The following MACF1 variants were observed in gnomAD, a reference collection of about 807,000 sequenced individuals.
MACF1 encodes the protein microtubule actin crosslinking factor 1, also known as microtubule-actin cross-linking factor 1.
Under a neutral mutation model 854.8 loss-of-function variants are expected in MACF1, and 193 were observed. The observed-to-expected ratio is 0.23, with a 90% CI of 0.20 to 0.25. The LOEUF (loss-of-function observed/expected upper bound fraction) is 0.25, where lower values mean the gene tolerates loss of function less well. MACF1 is among the 10% of genes least tolerant of loss of function. The probability of loss-of-function intolerance (pLI) is 1.00; values close to 1 mark genes in which losing one functional copy is unlikely to be tolerated. For missense variants in MACF1, 7,722 were observed against 8,929.1 expected (o/e 0.86, Z 5.45); for synonymous variants, 3,185 against 3,226.7 (o/e 0.99, Z 0.44).
At chr1:39,396,704 C>T (rs76250672) in intron 58 of MACF1, among the ~76,000 whole-genome samples, 2,521 of 152,248 alleles carry the variant, frequency 0.017, 75 homozygotes, top group African/African-American at 0.058. Context: ...CTAGGAAGTA[C>T]GATGAGTTTC....
intron 52 of MACF1, among the ~76,000 whole-genome samples, chr1:39,377,781 A>G (rs1231230967): frequency 6.6e-6 from 1 of 152,328 alleles, no homozygotes; most frequent in Non-Finnish European, 1.5e-5. Context: ...AGGCAGGCAG[A>G]TCACCTGAGG....
chr1:39,452,587 T>G (rs1321892741), intron 86 of MACF1, 97 bp from the exon 87 acceptor site: 12 of 1,494,480 alleles, frequency 8.0e-6, no homozygotes, highest in Non-Finnish European at 1.1e-5. Flanking sequence ...GGCCATGAAA[T>G]GTCTGAATGA....
chr1:39,328,054 T>A (rs1293763540), intron 36 of MACF1, among the ~76,000 whole-genome samples: 1 of 152,194 alleles, frequency 6.6e-6, no homozygotes, highest in Non-Finnish European at 1.5e-5. Context: ...CCAACTTATG[T>A]GGGGCAGGCC....
chr1:39,377,330 C>A (rs1419143741), intron 52 of MACF1, among the ~76,000 whole-genome samples: 9 of 152,120 alleles, frequency 5.9e-5, no homozygotes, highest in African/African-American at 2.2e-4. Flanking sequence ...TGTAATATAA[C>A]CTTGCACATG....
At chr1:39,448,887 C>T in intron 84 of MACF1, 124 bp downstream of exon 84, 1 of 605,004 alleles carries the variant, frequency 1.7e-6, no homozygotes, top group Non-Finnish European at 2.7e-6. Flanking sequence ...ATCTTAACAC[C>T]ACCAGTTAGT....
intron 64 of MACF1, 144 bp from the exon 65 acceptor site, chr1:39,429,683 C>T: frequency 2.6e-6 from 2 of 768,774 alleles, no homozygotes; most frequent in South Asian, 1.9e-5. Context: ...TCCCATTTGC[C>T]CTTAGTATGG....
intron 5 of MACF1, 35 bp downstream of exon 5, chr1:39,254,410 G>A (rs1381868690): frequency 3.1e-6 from 5 of 1,595,498 alleles, no homozygotes; most frequent in Admixed American, 3.3e-5. Flanking sequence ...ATTCTTCCAG[G>A]CTGTGTTGGC....
At chr1:39,215,051 G>A (rs1008408164) in intron 1 of MACF1, among the ~76,000 whole-genome samples, 9 of 152,184 alleles carry the variant, frequency 5.9e-5, no homozygotes, top group Non-Finnish European at 1.3e-4. Flanking sequence ...TGCATATGGA[G>A]CTCTCCCCTC....
chr1:39,120,174 G>A (rs909212257), intron 2 of MACF1, among the ~76,000 whole-genome samples: 2 of 151,428 alleles, frequency 1.3e-5, no homozygotes, highest in African/African-American at 2.4e-5. Flanking sequence ...GTGAGCCACC[G>A]CACCTGGCCA....
At chr1:39,279,481 CTTA>C (rs531481385) in intron 6 of MACF1, among the ~76,000 whole-genome samples, 1 of 151,508 alleles carries the variant, frequency 6.6e-6, no homozygotes, top group Non-Finnish European at 1.5e-5. Context: ...TTGGAGATGA[CTTA>C]TTATTGACTT....
Position 39,387,184 on chromosome 1 carries a change from C to T in MACF1, c.14345-3C>T. ...TGATTTCAATTTTATTTTCTCATTT[C>T]AGCCGATCGCATTAACAGACTCCAG... On this transcript the variant is annotated splice_polypyrimidine_tract_variant and splice_region_variant and intron_variant, in intron 57 of 100. Transcript: ENST00000564288. The T allele has an allele frequency of 6.2e-7, 1 of 1,608,800 alleles. No homozygotes were observed. Among genetic ancestry groups the T allele is most frequent in the Non-Finnish European group, 8.5e-7 (1 of 1,177,528 alleles).
At chr1:39,367,263 A>T (rs771805402) in intron 49 of MACF1, among the ~76,000 whole-genome samples, 10 of 151,802 alleles carry the variant, frequency 6.6e-5, no homozygotes, top group Non-Finnish European at 1.2e-4. Flanking sequence ...ATATACTTTC[A>T]TGTGACCTAC....
At chr1:39,158,039 G>A (rs1424843484) in intron 2 of MACF1, among the ~76,000 whole-genome samples, 3 of 152,166 alleles carry the variant, frequency 2.0e-5, no homozygotes, top group Admixed American at 1.3e-4. Flanking sequence ...CAACAAAGAT[G>A]CTGTGGAAAT....
At chr1:39,212,215 A>G (rs1210915025) in intron 1 of MACF1, among the ~76,000 whole-genome samples, 2 of 152,058 alleles carry the variant, frequency 1.3e-5, no homozygotes, top group African/African-American at 4.8e-5. Flanking sequence ...AAAAGTTGGG[A>G]AAAAAAGAAG....
intron 15 of MACF1, among the ~76,000 whole-genome samples, chr1:39,289,052 T>C (rs546839659): frequency 6.6e-6 from 1 of 152,334 alleles, no homozygotes; most frequent in South Asian, 2.1e-4. Context: ...CCATCCATAT[T>C]GTTGCAAATG....
At position 39,284,395 on chromosome 1, in the gene MACF1, A is replaced by G; in HGVS notation, c.1098A>G (p.Lys366=). ...AAATTCTGGCCAAGGAGAGAGAAAA[A>G]GGAAGAATTGAGGAATTATATAAAT... ...ETEILAKERE[K]GRIEELYKLL... is the part of the protein sequence containing the mutation. Residue 366 remains lysine (K), a synonymous_variant, in exon 11 of 101, where the codon AAA becomes AAG. Transcript: ENST00000564288. 1 of 1,601,728 alleles carries G rather than the reference A, an allele frequency of 6.2e-7. No individual in the cohort carries two copies. The highest frequency in any genetic ancestry group is 8.5e-7 in the Non-Finnish European group (1 of 1,175,472).
chr1:39,271,602 A>G (rs543119981), intron 6 of MACF1, among the ~76,000 whole-genome samples: 1 of 152,332 alleles, frequency 6.6e-6, no homozygotes, highest in South Asian at 2.1e-4. Flanking sequence ...GTCAACTTTT[A>G]TCTTGTAAAA....
At chr1:39,477,075 A>ATATACACTTAGTG (rs1557675014) in intron 97 of MACF1, among the ~76,000 whole-genome samples, 16,471 of 50,820 alleles carry the variant, frequency 0.32, 3,083 homozygotes, top group South Asian at 0.37. Flanking sequence ...ATATATATAT[A>ATATACACTTAGTG]TATATATATA....
At chr1:39,085,960 T>C (rs1641664840) in intron 2 of MACF1, among the ~76,000 whole-genome samples, 1 of 152,144 alleles carries the variant, frequency 6.6e-6, no homozygotes. Context: ...GCCTCCTCTG[T>C]CCTTAATGCC....
Sources: gnomAD v4.1 joint callset for allele counts (sites outside exome capture counted in the v4.1 genomes callset) on GRCh38, gnomAD v4.1.1 for gene constraint, MANE v1.5 for transcripts, NCBI Gene and HGNC (gene_info 2026-07-23, HGNC 2026-07-21) for gene names.